The following PCDHA1 variants were observed in gnomAD, a reference collection of about 807,000 sequenced individuals.
PCDHA1 encodes the protein protocadherin alpha 1.
Under a neutral mutation model 61.3 loss-of-function variants are expected in PCDHA1, and 42 were observed. The ratio of observed to expected loss-of-function variants is 0.69; its 90% CI spans 0.54 to 0.89. The LOEUF (loss-of-function observed/expected upper bound fraction) is 0.89. Ranked by LOEUF, PCDHA1 falls within the 40% of genes least tolerant of loss-of-function variation. The pLI, the probability that PCDHA1 is intolerant of heterozygous loss-of-function variation, is 0.00. For missense variants in PCDHA1, 1,256 were observed against 1,235.3 expected (o/e 1.02, Z -0.25); for synonymous variants, 610 against 553.8 (o/e 1.10, Z -1.43).
At chr5:140,887,108 T>A (rs2061306818) in intron 1 of PCDHA1, among the ~76,000 whole-genome samples, 1 of 152,084 alleles carries the variant, frequency 6.6e-6, no homozygotes, top group Non-Finnish European at 1.5e-5. Context: ...TCTCTTTTTT[T>A]TTTTTTGAGA....
chr5:140,926,034 G>A (rs782564671), intron 1 of PCDHA1, among the ~76,000 whole-genome samples: 1 of 152,158 alleles, frequency 6.6e-6, no homozygotes, highest in Non-Finnish European at 1.5e-5. Context: ...GTTTGATGCG[G>A]ACACTATTCC....
At chr5:140,967,783 C>T (rs1554229939) in intron 1 of PCDHA1, 1 of 1,614,186 alleles carries the variant, frequency 6.2e-7, no homozygotes, top group Admixed American at 1.7e-5. Flanking sequence ...AGGCGACTGA[C>T]CGGGGTCCAG....
intron 1 of PCDHA1, chr5:140,926,257 C>CT (rs1336723706): frequency 4.6e-5 from 7 of 152,300 alleles, no homozygotes; most frequent in African/African-American, 1.7e-4. Flanking sequence ...ACCGTCCCGC[C>CT]TCTCGCCGCC....
intron 1 of PCDHA1, chr5:140,870,462 G>A (rs181856615): frequency 6.4e-4 from 1,040 of 1,614,196 alleles, no homozygotes; most frequent in Non-Finnish European, 8.0e-4. Flanking sequence ...ATGCGCCTGC[G>A]TTCGCACAGC....
intron 1 of PCDHA1, chr5:140,884,132 T>C: frequency 6.2e-7 from 1 of 1,613,400 alleles, no homozygotes; most frequent in South Asian, 1.1e-5. Context: ...GCGCATCCCG[T>C]TCCGCGTGGG....
chr5:140,905,918 T>G (rs536445399), intron 1 of PCDHA1, among the ~76,000 whole-genome samples: 1 of 152,280 alleles, frequency 6.6e-6, no homozygotes, highest in Non-Finnish European at 1.5e-5. Context: ...GAATCCAATC[T>G]GAGTCCCAAA....
At chr5:140,863,232 G>C in intron 1 of PCDHA1, 1 of 1,230,740 alleles carries the variant, frequency 8.1e-7, no homozygotes, top group Non-Finnish European at 1.1e-6. Context: ...AGGTCCCATC[G>C]CGGGCTTTGG....
chr5:140,969,203 G>A (rs781962982), intron 1 of PCDHA1: 2 of 1,614,178 alleles, frequency 1.2e-6, no homozygotes, highest in Non-Finnish European at 8.5e-7. Flanking sequence ...CAATACAGGG[G>A]CCCAGACAGG....
intron 1 of PCDHA1, chr5:140,824,437 G>T: frequency 2.1e-6 from 1 of 479,118 alleles, no homozygotes. Flanking sequence ...CAAAGTTTCA[G>T]TTTATGACTA....
rs2150482773 is a variant in PCDHA1, at chr5:140,850,408, A to G, written c.2394+61724A>G. The G allele has an allele frequency of 6.3e-6, 10 of 1,597,776 alleles. 1 individual carries two copies. The South Asian group carries it at 9.9e-5, about 16-fold the overall frequency. ...GAGATCAGCACAACGCGTGCCCTGG[A>G]CGAAACGGACGCACCGCGCCAGCGC... On this transcript the variant is annotated intron_variant, in intron 1 of 3. Coordinates refer to ENST00000504120, the MANE Select transcript of PCDHA1 (RefSeq NM_018900.4).
At chr5:140,817,937 C>A (rs2150099666) in intron 1 of PCDHA1, among the ~76,000 whole-genome samples, 9 of 152,198 alleles carry the variant, frequency 5.9e-5, no homozygotes, top group African/African-American at 2.2e-4. Flanking sequence ...TGATGGCTGT[C>A]AAGTTTATTG....
chr5:140,802,544 C>A (rs374473436), intron 1 of PCDHA1: 16 of 1,614,192 alleles, frequency 9.9e-6, no homozygotes, highest in Non-Finnish European at 8.5e-6. Context: ...CCGACGTGAA[C>A]GACAATGCGC....
chr5:140,803,905 T>A (rs185777176), intron 1 of PCDHA1: 7 of 516,732 alleles, frequency 1.4e-5, no homozygotes, highest in African/African-American at 1.3e-4. Flanking sequence ...ATTTAGAGAA[T>A]CTGACTTCGA....
At chr5:140,952,479 A>C (rs246034) in intron 1 of PCDHA1, among the ~76,000 whole-genome samples, 85,668 of 152,018 alleles carry the variant, frequency 0.56, 24,767 homozygotes, top group African/African-American at 0.69. Flanking sequence ...GGAAAGTGAC[A>C]TTTGCTCCAG....
chr5:140,819,009 T>A (rs1223864365), intron 1 of PCDHA1, among the ~76,000 whole-genome samples: 5 of 152,254 alleles, frequency 3.3e-5, no homozygotes. Flanking sequence ...AGAGGATATA[T>A]AATATGGATA....
chr5:140,842,894 C>T, intron 1 of PCDHA1: 1 of 1,594,372 alleles, frequency 6.3e-7, no homozygotes, highest in Non-Finnish European at 8.6e-7. Flanking sequence ...GCCGCTGGAC[C>T]ACGAGGAGCT....
At chr5:140,966,679 G>A (rs1554228549) in intron 1 of PCDHA1, 1 of 1,317,562 alleles carries the variant, frequency 7.6e-7, no homozygotes, top group Non-Finnish European at 9.8e-7. Flanking sequence ...AGGGTGGCAC[G>A]AGCGGAGGCG....
chr5:140,846,501 A>G (rs1780515725), intron 1 of PCDHA1, among the ~76,000 whole-genome samples: 1 of 146,172 alleles, frequency 6.8e-6, no homozygotes. Flanking sequence ...CAGCCTCCCA[A>G]GTAGCTGGGA....
chr5:140,856,457 CA>C, intron 1 of PCDHA1: 1 of 1,598,330 alleles, frequency 6.3e-7, no homozygotes, highest in East Asian at 2.2e-5. Context: ...CGTAACAGAA[CA>C]AAAGCTCTCA....
Sources: allele counts gnomAD v4.1 joint callset (sites outside exome capture counted in the v4.1 genomes callset), GRCh38; gene constraint gnomAD v4.1.1; transcripts MANE v1.5; gene names NCBI Gene and HGNC (gene_info 2026-07-23, HGNC 2026-07-21).